DCC: variants seen among roughly 807,000 people sequenced by gnomAD.
The protein encoded by DCC is DCC netrin 1 receptor, also known as netrin receptor DCC.
Under a neutral mutation model 172.5 loss-of-function variants are expected in DCC, and 58 were observed. That is an observed-to-expected ratio of 0.34 (90% confidence interval 0.27 to 0.42). DCC has a LOEUF of 0.42. Ranked by LOEUF, DCC falls within the 10% of genes least tolerant of loss-of-function variation. DCC has a pLI of 1.00. For synonymous variants in DCC, 709 were observed against 644.5 expected, an observed-to-expected ratio of 1.10 and a Z score of -1.52; for missense variants, 1,740 against 1,791.0, an observed-to-expected ratio of 0.97 and a Z score of 0.51.
chr18:53,035,407 G>T (rs1201761938), intron 5 of DCC, among the ~76,000 whole-genome samples: 2 of 152,080 alleles, frequency 1.3e-5, no homozygotes, highest in Non-Finnish European at 2.9e-5. Flanking sequence ...CAAGATTTTA[G>T]ATATGGTCTA....
In DCC at chr18:53,086,147, C is replaced by CCTCCTG. The variant is rs1568294674; in HGVS notation, c.1261+19986_1261+19987insGCTCCT. On this transcript the variant is annotated intron_variant, in intron 7 of 28. Coordinates refer to ENST00000442544, the MANE Select transcript of DCC (RefSeq NM_005215.4). ...TCCTCCTCCTCCTCCTCCTCCTCCT[C>CCTCCTG]CTCCTCTTCCTCTTCTCTTCCTCTT... Among the ~76,000 whole-genome samples the CCTCCTG allele has an allele frequency of 9.5e-5, 2 of 21,138 alleles. 1 individual carries two copies. The highest frequency in any genetic ancestry group is 8.6e-4 in the Admixed American group (2 of 2,318). The allele number at this position is 21,138 out of a possible 152,430, so 13.9% of individuals were successfully genotyped here.
intron 12 of DCC, among the ~76,000 whole-genome samples, chr18:53,238,581 T>C (rs1453019909): frequency 6.6e-6 from 1 of 152,140 alleles, no homozygotes; most frequent in African/African-American, 2.4e-5. Context: ...GCCTTATGTG[T>C]CCAAGCTCTC....
chr18:52,410,977 A>G (rs1364093344), intron 1 of DCC, among the ~76,000 whole-genome samples: 1 of 152,158 alleles, frequency 6.6e-6, no homozygotes, highest in East Asian at 1.9e-4. Context: ...TTACATTGTA[A>G]TATGACTGGT....
chr18:53,336,870 T>C (rs2057597617), intron 14 of DCC, among the ~76,000 whole-genome samples: 1 of 152,190 alleles, frequency 6.6e-6, no homozygotes, highest in Non-Finnish European at 1.5e-5. Context: ...AACAAGATCT[T>C]GTCTCTCTCT....
intron 1 of DCC, among the ~76,000 whole-genome samples, chr18:52,419,982 G>A (rs1049174155): frequency 1.3e-5 from 2 of 152,182 alleles, no homozygotes; most frequent in African/African-American, 2.4e-5. Context: ...GGAAGACTGA[G>A]TGACTTTTCT....
chr18:52,566,163 C>T (rs1176177643), intron 1 of DCC, among the ~76,000 whole-genome samples: 1 of 151,920 alleles, frequency 6.6e-6, no homozygotes, highest in Non-Finnish European at 1.5e-5. Context: ...GGTGGCATTG[C>T]ACCATGGAAT....
intron 1 of DCC, among the ~76,000 whole-genome samples, chr18:52,467,994 T>G (rs1988837533): frequency 6.6e-6 from 1 of 152,158 alleles, no homozygotes; most frequent in Non-Finnish European, 1.5e-5. Context: ...TAGAGCAGTG[T>G]TTGAATGATG....
chr18:53,165,549 CCTT>C (rs1372402082), intron 8 of DCC, among the ~76,000 whole-genome samples: 1 of 152,104 alleles, frequency 6.6e-6, no homozygotes, highest in Non-Finnish European at 1.5e-5. Flanking sequence ...GCAAAGTTAG[CCTT>C]CTTCTTAGAG....
intron 7 of DCC, among the ~76,000 whole-genome samples, chr18:53,156,036 T>C (rs1388137917): frequency 1.9e-4 from 29 of 152,214 alleles, no homozygotes; most frequent in Admixed American, 1.9e-3. Flanking sequence ...TGAATACAGG[T>C]AAGTCTGTGG....
chr18:53,522,219 T>A (rs2046406493), intron 27 of DCC, among the ~76,000 whole-genome samples: 1 of 152,018 alleles, frequency 6.6e-6, no homozygotes, highest in African/African-American at 2.4e-5. Flanking sequence ...AGTGGCTGCC[T>A]TCCTATTTGG....
At chr18:53,343,054 T>C (rs1599043033) in intron 15 of DCC, among the ~76,000 whole-genome samples, 2 of 151,602 alleles carry the variant, frequency 1.3e-5, no homozygotes, top group Non-Finnish European at 3.0e-5. Flanking sequence ...AATTTACCTA[T>C]ATATTCCATT....
At chr18:52,748,559 T>C (rs1486173839) in intron 1 of DCC, among the ~76,000 whole-genome samples, 1 of 152,162 alleles carries the variant, frequency 6.6e-6, no homozygotes, top group Non-Finnish European at 1.5e-5. Flanking sequence ...GGCCCACAGC[T>C]CTTGGGCTGG....
chr18:52,382,134 G>A (rs1416731278), intron 1 of DCC, among the ~76,000 whole-genome samples: 1 of 152,084 alleles, frequency 6.6e-6, no homozygotes, highest in African/African-American at 2.4e-5. Flanking sequence ...GTGCTAAGTG[G>A]ACTTTCATAT....
At chr18:52,681,684 G>A (rs1239172758) in intron 1 of DCC, among the ~76,000 whole-genome samples, 1 of 151,986 alleles carries the variant, frequency 6.6e-6, no homozygotes, top group Non-Finnish European at 1.5e-5. Flanking sequence ...GGTAGGAGAG[G>A]GGCTTACTGC....
At chr18:52,560,182 C>T (rs970069422) in intron 1 of DCC, among the ~76,000 whole-genome samples, 2 of 152,148 alleles carry the variant, frequency 1.3e-5, no homozygotes, top group African/African-American at 4.8e-5. Context: ...GGCGCATGAT[C>T]TCTGTTGCAA....
intron 2 of DCC, among the ~76,000 whole-genome samples, chr18:52,888,694 C>CA (rs1463471267): frequency 1.3e-5 from 2 of 151,902 alleles, no homozygotes; most frequent in African/African-American, 4.8e-5. Context: ...TTTTTAACAA[C>CA]AAAAAACAAT....
chr18:53,478,095 G>T (rs2045788008), intron 25 of DCC, among the ~76,000 whole-genome samples: 1 of 152,240 alleles, frequency 6.6e-6, no homozygotes, highest in Non-Finnish European at 1.5e-5. Flanking sequence ...ACCAGTGAGG[G>T]TGAAGGATAC....
At chr18:53,154,920 G>T (rs868556760) in intron 7 of DCC, among the ~76,000 whole-genome samples, 1 of 152,044 alleles carries the variant, frequency 6.6e-6, no homozygotes, top group Non-Finnish European at 1.5e-5. Flanking sequence ...AGAGAGATAC[G>T]CCATCCCCAG....
Position 52,923,648 on chromosome 18 carries a change from A to T in DCC, c.698-59A>T, listed in dbSNP as rs1480016593. The stretch of plus-strand genomic sequence containing the variant: ...TTTGTTAGGAAAAAAATCAAAATAT[A>T]TCATTTATCTTTGCAATGTTTTTCA... On this transcript the variant is annotated intron_variant, in intron 3 of 28. Coordinates refer to ENST00000442544, the MANE Select transcript of DCC (RefSeq NM_005215.4). 4 of 1,318,282 alleles carry T rather than the reference A, an allele frequency of 3.0e-6. No homozygotes were observed. The African/African-American group carries it at 5.8e-5, about 19-fold the overall frequency. 81.7% of individuals were successfully genotyped at this position (1,318,282 alleles called of 1,614,324 possible).
Sources: gnomAD v4.1 joint callset for allele counts (sites outside exome capture counted in the v4.1 genomes callset) on GRCh38, gnomAD v4.1.1 for gene constraint, MANE v1.5 for transcripts, NCBI Gene and HGNC (gene_info 2026-07-23, HGNC 2026-07-21) for gene names.